PTPRN2: variants seen among roughly 807,000 people sequenced by gnomAD.
PTPRN2 encodes protein tyrosine phosphatase receptor type N2, also known as receptor-type tyrosine-protein phosphatase N2.
In PTPRN2, 74 loss-of-function variants were observed where a neutral mutation model predicts 118.8. The ratio of observed to expected loss-of-function variants is 0.62; its 90% CI spans 0.52 to 0.76. PTPRN2 has a LOEUF of 0.76. Ranked by LOEUF, PTPRN2 falls within the 30% of genes least tolerant of loss-of-function variation. The probability of loss-of-function intolerance (pLI) is 0.00; values close to 1 mark genes in which losing one functional copy is unlikely to be tolerated. For synonymous variants in PTPRN2, 641 were observed against 608.0 expected (o/e 1.05, Z -0.80); for missense variants, 1,481 against 1,394.4 (o/e 1.06, Z -0.99).
At position 158,008,907 on chromosome 7, in the gene PTPRN2, A is replaced by G. The variant is rs180982984; in HGVS notation, c.1723+72391T>C. Among the ~76,000 whole-genome samples the G allele has an allele frequency of 1.3e-3, 205 of 152,354 alleles. 1 individual carries two copies. Among genetic ancestry groups the G allele is most frequent in the African/African-American group, 4.8e-3 (200 of 41,582 alleles). ...GAGTAAATGTTTACTGTTCAATTTT[A>G]TCACGTTGATATACTCAGACTTCTT... On this transcript the variant is annotated intron_variant, in intron 11 of 22. Transcript: ENST00000389418.
intron 11 of PTPRN2, among the ~76,000 whole-genome samples, chr7:158,013,861 CACCCACCCATCCTTG>C (rs1806246304): frequency 1.7e-5 from 2 of 115,702 alleles, no homozygotes; most frequent in Admixed American, 9.0e-5. Flanking sequence ...CCCACCCACT[CACCCACCCATCCTTG>C]CATCCACCCA....
intron 2 of PTPRN2, among the ~76,000 whole-genome samples, chr7:158,433,065 G>A (rs1204090051): frequency 1.3e-5 from 2 of 152,192 alleles, no homozygotes. Flanking sequence ...TCCTGAATCC[G>A]GCTTCTTTGC....
intron 3 of PTPRN2, among the ~76,000 whole-genome samples, chr7:158,314,050 G>A (rs1336882774): frequency 2.6e-5 from 4 of 152,122 alleles, no homozygotes; most frequent in Non-Finnish European, 5.9e-5. Context: ...CATGACAAGG[G>A]AGCTCAGGTG....
intron 12 of PTPRN2, among the ~76,000 whole-genome samples, chr7:157,849,037 G>A (rs1354749104): frequency 6.6e-6 from 1 of 152,226 alleles, no homozygotes; most frequent in African/African-American, 2.4e-5. Flanking sequence ...GTCTTGGGAT[G>A]ACGTCTGCGG....
chr7:158,382,634 G>A (rs4243842), intron 2 of PTPRN2, among the ~76,000 whole-genome samples: 134,855 of 151,982 alleles, frequency 0.89, 61,107 homozygotes, highest in Non-Finnish European at 0.97. Context: ...TCAGATCAGC[G>A]GTGGTGTTAG....
At chr7:158,059,466 A>C (rs113720042) in intron 11 of PTPRN2, among the ~76,000 whole-genome samples, 17 of 99,108 alleles carry the variant, frequency 1.7e-4, no homozygotes, top group Admixed American at 2.9e-4. Context: ...CTCCATCTGC[A>C]CACAGTGACA....
rs562742819 is a variant in PTPRN2, at chr7:158,138,356, A to G, written c.1070T>C (p.Leu357Pro). Residue 357 changes from leucine to proline, a missense_variant, in exon 7 of 23, where the codon CTG becomes CCG. By Grantham distance (98) the Leu-to-Pro change is moderately conservative. Transcript: ENST00000389418. ...ATCCGCCTGTTCTCCAGACTCTCCC[A>G]GGGCCGCTCTCCCAGGGCTGCCTCG... ...VARGSPGRAA[L>P]GESGEQADGP... is the part of the protein sequence containing the mutation. 6.2e-7 allele frequency: 1 copy of G among 1,613,658 alleles called. No individual in the cohort carries two copies. The highest frequency in any genetic ancestry group is 2.2e-5 in the East Asian group (1 of 44,864).
Position 158,438,363 on chromosome 7 carries a change from CAA to C in PTPRN2, c.163+51370_163+51371del, listed in dbSNP as rs780030851. 7.9e-6 allele frequency among the ~76,000 whole-genome samples: 1 copy of C among 127,160 alleles called. No individual in the cohort carries two copies. Among genetic ancestry groups the C allele is most frequent in the East Asian group, 2.2e-4 (1 of 4,466 alleles). The allele number at this position is 127,160 out of a possible 152,430, so 83.4% of individuals were successfully genotyped here. A position where few individuals can be genotyped will look rare whatever the true frequency, so the allele number is the denominator to read the frequency against. ...TGGGCAACAGAGTGGGACTCCATCTCAAAAAAAAAAAAGAAAAAGTTTTATTT... is the reference window on the plus strand; with the variant it reads ...TGGGCAACAGAGTGGGACTCCATCTCAAAAAAAAAAGAAAAAGTTTTATTT... On this transcript the variant is annotated intron_variant, in intron 2 of 22. Transcript: ENST00000389418. This position sits in a 1 kb window ranked among gnomAD's most constrained non-coding sequence, Gnocchi z 4.7.
At chr7:157,659,825 G>A (rs1282437600) in intron 13 of PTPRN2, among the ~76,000 whole-genome samples, 1 of 151,982 alleles carries the variant, frequency 6.6e-6, no homozygotes, top group Non-Finnish European at 1.5e-5. Flanking sequence ...GCTCACTGCA[G>A]CCTCCACCTC....
At chr7:158,257,994 T>C (rs929125444) in intron 3 of PTPRN2, among the ~76,000 whole-genome samples, 17 of 152,240 alleles carry the variant, frequency 1.1e-4, no homozygotes, top group Non-Finnish European at 2.4e-4. Context: ...CTATCCATTC[T>C]TTTTTACCTA....
intron 2 of PTPRN2, among the ~76,000 whole-genome samples, chr7:158,437,304 T>G (rs1563290843): frequency 1.3e-5 from 2 of 152,226 alleles, no homozygotes; most frequent in Admixed American, 6.5e-5. Flanking sequence ...ATAGAATCAA[T>G]TTTTCTGGTG....
Position 157,808,458 on chromosome 7 carries a change from C to A in PTPRN2, c.1788+90215G>T, listed in dbSNP as rs1431273377. Among the ~76,000 whole-genome samples the A allele has an allele frequency of 6.6e-6, 1 of 152,132 alleles. No individual in the cohort carries two copies. The highest frequency in any genetic ancestry group is 1.5e-5 in the Non-Finnish European group (1 of 68,036). ...CAGTGGCATCAGATTCTCATAGGAG[C>A]TTGAGCCCTGTTGTGAACTGTGCAT... On this transcript the variant is annotated intron_variant, in intron 12 of 22. Coordinates refer to ENST00000389418, the MANE Select transcript of PTPRN2 (RefSeq NM_002847.5). This position sits in a 1 kb window ranked among gnomAD's most constrained non-coding sequence, Gnocchi z 5.0.
At chr7:157,849,302 A>G (rs1020090900) in intron 12 of PTPRN2, among the ~76,000 whole-genome samples, 1 of 152,192 alleles carries the variant, frequency 6.6e-6, no homozygotes, top group Non-Finnish European at 1.5e-5. Flanking sequence ...GGCCACCGTC[A>G]TTCCCAGTGT....
intron 2 of PTPRN2, among the ~76,000 whole-genome samples, chr7:158,445,315 C>T (rs560396460): frequency 6.6e-6 from 1 of 152,332 alleles, no homozygotes; most frequent in South Asian, 2.1e-4. Context: ...CACCTGCTCA[C>T]CTCTGCCCTG....
intron 11 of PTPRN2, among the ~76,000 whole-genome samples, chr7:157,997,407 G>A (rs1487857937): frequency 1.3e-5 from 2 of 152,260 alleles, no homozygotes; most frequent in Non-Finnish European, 2.9e-5. Context: ...TTCAGGACAG[G>A]GGGCTGCTCT....
intron 2 of PTPRN2, among the ~76,000 whole-genome samples, chr7:158,354,444 C>T (rs978514902): frequency 1.3e-5 from 2 of 151,876 alleles, no homozygotes; most frequent in African/African-American, 2.4e-5. Context: ...TAAGGAAACT[C>T]GGTGATCCCC....
intron 3 of PTPRN2, among the ~76,000 whole-genome samples, chr7:158,250,814 A>C (rs1346408180): frequency 2.0e-5 from 3 of 152,236 alleles, no homozygotes; most frequent in Non-Finnish European, 4.4e-5. Context: ...TCAACCAGTC[A>C]TAAATGTGTC....
rs1252376353 is a variant in PTPRN2, at chr7:158,525,633, A to G, written c.113-35848T>C. Among the ~76,000 whole-genome samples, 1 of 152,210 alleles carries G rather than the reference A, an allele frequency of 6.6e-6. No individual in the cohort carries two copies. Among genetic ancestry groups the G allele is most frequent in the Non-Finnish European group, 1.5e-5 (1 of 68,034 alleles). On this transcript the variant is annotated intron_variant, in intron 1 of 22. Transcript: ENST00000389418. This position sits in a 1 kb window ranked among gnomAD's most constrained non-coding sequence, Gnocchi z 4.1. ...GTGCCGTGTTTAATTATTATTCAGC[A>G]TAATCACACATATTACGGGGATTTT... is the stretch of plus-strand genomic sequence containing the variant.
intron 9 of PTPRN2, among the ~76,000 whole-genome samples, chr7:158,125,745 C>A (rs973964603): frequency 1.3e-5 from 2 of 152,166 alleles, no homozygotes. Flanking sequence ...CACAACACAG[C>A]GTGGAGGCTG....
Sources: allele counts gnomAD v4.1 joint callset (sites outside exome capture counted in the v4.1 genomes callset), GRCh38; gene constraint gnomAD v4.1.1; non-coding constraint Gnocchi (gnomAD v3.1); transcripts MANE v1.5; gene names NCBI Gene and HGNC (gene_info 2026-07-23, HGNC 2026-07-21).